Variants in IKZF3 observed in about 807,000 individuals in gnomAD.
IKZF3 encodes the protein zinc finger protein Aiolos.
IKZF3 carries 10 observed loss-of-function variants against 49.0 expected under a neutral mutation model. The observed-to-expected ratio is 0.20, with a 90% CI of 0.13 to 0.35. IKZF3 has a LOEUF of 0.35. Ranked by LOEUF, IKZF3 falls within the 10% of genes least tolerant of loss-of-function variation. IKZF3 has a pLI of 1.00. For synonymous variants in IKZF3, 209 were observed against 228.2 expected, an observed-to-expected ratio of 0.92 and a Z score of 0.76; for missense variants, 498 against 664.8, an observed-to-expected ratio of 0.75 and a Z score of 2.76.
intron 1 of IKZF3, among the ~76,000 whole-genome samples, chr17:39,850,753 AC>A (rs2062831392): frequency 2.0e-5 from 2 of 99,294 alleles, no homozygotes; most frequent in Non-Finnish European, 3.8e-5. Context: ...TAGTATATAT[AC>A]TATATATTAT....
chr17:39,845,388 G>A (rs776105985), intron 1 of IKZF3, among the ~76,000 whole-genome samples: 72 of 149,766 alleles, frequency 4.8e-4, no homozygotes, highest in Non-Finnish European at 8.4e-4. Flanking sequence ...AGCCAGGCTT[G>A]GTAGCAGGTG....
intron 1 of IKZF3, among the ~76,000 whole-genome samples, chr17:39,844,619 G>A (rs1164567374): frequency 1.3e-5 from 2 of 151,560 alleles, no homozygotes; most frequent in African/African-American, 4.8e-5. Flanking sequence ...TTTTGGGGGG[G>A]ACAGAGTCTT....
At chr17:39,766,905 A>C (rs183769773) in intron 7 of IKZF3, among the ~76,000 whole-genome samples, 29 of 151,936 alleles carry the variant, frequency 1.9e-4, no homozygotes, top group African/African-American at 6.8e-4. Context: ...TCGGCTCCCA[A>C]CTCTTATTTT....
chr17:39,772,379 C>T (rs908341969), intron 7 of IKZF3, among the ~76,000 whole-genome samples: 2 of 152,176 alleles, frequency 1.3e-5, no homozygotes, highest in Admixed American at 6.5e-5. Flanking sequence ...TCTTAAAGTT[C>T]TTCAAGTCAC....
chr17:39,802,331 G>T (rs558311871), intron 3 of IKZF3, among the ~76,000 whole-genome samples: 1 of 151,580 alleles, frequency 6.6e-6, no homozygotes, highest in African/African-American at 2.4e-5. Context: ...TTTTGGCCAG[G>T]TGCAATAGCT....
chr17:39,773,870 T>C (rs561999578), intron 7 of IKZF3, among the ~76,000 whole-genome samples: 2 of 152,252 alleles, frequency 1.3e-5, no homozygotes, highest in South Asian at 4.1e-4. Flanking sequence ...AAGGTCTTCT[T>C]GTCCTTTGAA....
chr17:39,857,213 T>C (rs1029393514), intron 1 of IKZF3, among the ~76,000 whole-genome samples: 1 of 152,200 alleles, frequency 6.6e-6, no homozygotes, highest in African/African-American at 2.4e-5. Flanking sequence ...CTGGACAATA[T>C]TTTCCATCAG....
rs1292573621 is a variant in IKZF3 at position 39,764,247 on chromosome 17, T to G, written c.*1543A>C. On this transcript the variant is annotated 3_prime_UTR_variant, in exon 8 of 8. Coordinates refer to ENST00000346872, the MANE Select transcript of IKZF3 (RefSeq NM_012481.5). The stretch of plus-strand genomic sequence containing the variant: ...AGGAGGCTGAGGCGGGCTGATTGCT[T>G]GAGCCCAGGAGTTCAAGACCAGCAT... The G allele has an allele frequency of 6.6e-6, 1 of 152,178 alleles. No homozygotes were observed. The highest frequency in any genetic ancestry group is 1.5e-5 in the Non-Finnish European group (1 of 68,080). 9.4% of individuals were successfully genotyped at this position (152,178 alleles called of 1,614,324 possible).
At chr17:39,851,179 C>A (rs2062863491) in intron 1 of IKZF3, among the ~76,000 whole-genome samples, 1 of 151,420 alleles carries the variant, frequency 6.6e-6, no homozygotes, top group Admixed American at 6.6e-5. Context: ...GAGCACATGA[C>A]TAGGCCTGGC....
At chr17:39,847,796 A>G (rs2062677931) in intron 1 of IKZF3, among the ~76,000 whole-genome samples, 1 of 152,238 alleles carries the variant, frequency 6.6e-6, no homozygotes, top group Non-Finnish European at 1.5e-5. Flanking sequence ...GACAAAAAAC[A>G]TAAAGGCCAG....
In IKZF3 at chr17:39,785,155, A is replaced by G. The variant is rs551321603; in HGVS notation, c.709+3103T>C. ...AAGGAAACAGAAATGGAAACCACAC[A>G]TGGAAGGGTGCAAAATAGTTAAAGG... On this transcript the variant is annotated intron_variant, in intron 6 of 7. Coordinates refer to ENST00000346872, the MANE Select transcript of IKZF3 (RefSeq NM_012481.5). 2.6e-5 allele frequency among the ~76,000 whole-genome samples: 4 copies of G among 152,298 alleles called. No homozygotes were observed. The South Asian group carries it at 8.3e-4, about 32-fold the overall frequency.
chr17:39,843,341 G>T (rs1274000710), intron 1 of IKZF3, among the ~76,000 whole-genome samples: 1 of 151,768 alleles, frequency 6.6e-6, no homozygotes, highest in African/African-American at 2.4e-5. Context: ...AAGTTTTTTT[G>T]TGCTGTATTG....
intron 7 of IKZF3, among the ~76,000 whole-genome samples, chr17:39,770,888 C>T (rs1241638554): frequency 6.6e-6 from 1 of 151,536 alleles, no homozygotes; most frequent in African/African-American, 2.4e-5. Context: ...TCACTGCAAC[C>T]TCCGTCTCCT....
chr17:39,811,349 GAA>G (rs1200152309), intron 3 of IKZF3, among the ~76,000 whole-genome samples: 4 of 147,970 alleles, frequency 2.7e-5, no homozygotes, highest in African/African-American at 5.1e-5. Context: ...GAAAGGGAAA[GAA>G]AGACAGAAAG....
chr17:39,843,376 G>GT (rs1384884386), intron 1 of IKZF3, among the ~76,000 whole-genome samples: 1 of 151,576 alleles, frequency 6.6e-6, no homozygotes, highest in African/African-American at 2.4e-5. Context: ...GTTCGATAGT[G>GT]TTTTTTAAAA....
chr17:39,828,103 T>C (rs1188358345), intron 3 of IKZF3, among the ~76,000 whole-genome samples: 2 of 152,208 alleles, frequency 1.3e-5, no homozygotes, highest in Non-Finnish European at 2.9e-5. Flanking sequence ...GTGGTTGCAA[T>C]ACCAGCACTG....
In IKZF3 at chr17:39,788,365, G is replaced by T. The variant is rs1351694037; in HGVS notation, c.602C>A (p.Pro201His). 6.2e-7 allele frequency: 1 copy of T among 1,611,816 alleles called. No individual in the cohort carries two copies. The highest frequency in any genetic ancestry group is 8.5e-7 in the Non-Finnish European group (1 of 1,178,252). The change falls in exon 6 of 8, where the codon CCC becomes CAC. Residue 201 changes from proline to histidine, a missense_variant. Physicochemically the swap from Pro to His is moderately conservative, Grantham distance 77 (BLOSUM62 -2). Transcript: ENST00000346872. ...GHLRTHSVEK[P>H]YKCEFCGRSY... ...CCTTCCACAAAACTCACATTTGTAG[G>T]GTTTCTCCACTAGAAGGAGAACATA... is the stretch of plus-strand genomic sequence containing the variant.
At chr17:39,801,192 G>A (rs981436366) in intron 3 of IKZF3, among the ~76,000 whole-genome samples, 1 of 152,070 alleles carries the variant, frequency 6.6e-6, no homozygotes, top group Non-Finnish European at 1.5e-5. Context: ...CAAGGATCGG[G>A]GGTCATAACC....
At chr17:39,788,228 G>A (rs2060920253) in intron 6 of IKZF3, 30 bp downstream of exon 6, 2 of 1,330,348 alleles carry the variant, frequency 1.5e-6, no homozygotes, top group East Asian at 2.3e-5. Flanking sequence ...GACAGCAGAT[G>A]CTCACTAAAC....
Sources: allele counts gnomAD v4.1 joint callset (sites outside exome capture counted in the v4.1 genomes callset), GRCh38; gene constraint gnomAD v4.1.1; transcripts MANE v1.5; gene names NCBI Gene and HGNC (gene_info 2026-07-23, HGNC 2026-07-21).